The following FBN2 variants were observed in gnomAD, a reference collection of about 807,000 sequenced individuals.
The protein encoded by FBN2 is fibrillin 2.
Under a neutral mutation model 355.6 loss-of-function variants are expected in FBN2, and 105 were observed. That is an observed-to-expected ratio of 0.30 (90% CI 0.25 to 0.35). FBN2 has a LOEUF of 0.35. Ranked by LOEUF, FBN2 falls within the 10% of genes least tolerant of loss-of-function variation. FBN2 has a pLI of 1.00. For synonymous variants in FBN2, 1,350 were observed against 1,301.2 expected (o/e 1.04, Z -0.81); for missense variants, 3,280 against 3,758.7 (o/e 0.87, Z 3.33).
rs368060929 is a variant in FBN2 at position 128,287,703 on chromosome 5, C to T, written c.6758-273G>A. On this transcript the variant is annotated intron_variant, in intron 53 of 64. Transcript: ENST00000262464. ...AGGGAGTAATTTCACATTGATTTGG[C>T]TTCTATTTTTCTGAAATTACCCTCC... Among the ~76,000 whole-genome samples the T allele has an allele frequency of 2.6e-5, 4 of 152,232 alleles. No homozygotes were observed. In the East Asian group the frequency reaches 5.8e-4, roughly 22 times the overall value.
rs979294441 is a variant in FBN2 at position 128,311,910 on chromosome 5, A to G, written c.4923T>C (p.Pro1641=). The G allele has an allele frequency of 2.5e-6, 4 of 1,611,984 alleles. No individual in the cohort carries two copies. The African/African-American group carries it at 5.3e-5, about 22-fold the overall frequency. ...CTTCTAAAATGATTGTGATGGGGTT[A>G]GGTCTGAAGCCTTCACCTCCGGGAC... ...TLCPGGEGFR[P]NPITIILEDI... Residue 1641 remains proline, a synonymous_variant, in exon 38 of 65, where the codon CCT becomes CCC. Coordinates refer to ENST00000262464, the MANE Select transcript of FBN2 (RefSeq NM_001999.4).
chr5:128,290,879 G>C lies in FBN2; in HGVS notation c.6298C>G (p.Arg2100Gly). The change falls in exon 50 of 65, where the codon CGC becomes GGC. Residue 2100 changes from arginine to glycine, a missense_variant. Arg to Gly is a moderately radical substitution (Grantham distance 125, BLOSUM62 -2). Coordinates refer to ENST00000262464, the MANE Select transcript of FBN2 (RefSeq NM_001999.4). ...AAATTTGTGAAGCAGAAGCTCTGGC[G>C]AGTATCTAATCAAAAAAGCAAACAT... ...SDNGRRCFDT[R>G]QSFCFTNFEN... 1 of 1,613,700 alleles carries C rather than the reference G, an allele frequency of 6.2e-7. No individual in the cohort carries two copies. Among genetic ancestry groups the C allele is most frequent in the Non-Finnish European group, 8.5e-7 (1 of 1,179,708 alleles).
intron 12 of FBN2, 63 bp downstream of exon 12, chr5:128,378,708 C>G (rs1411411029): frequency 4.7e-5 from 75 of 1,586,488 alleles, no homozygotes; most frequent in Non-Finnish European, 6.1e-5. Flanking sequence ...TACTTTTAAC[C>G]TCAACAGCCT....
At chr5:128,331,122 T>C (rs757808674) in intron 32 of FBN2, among the ~76,000 whole-genome samples, 4 of 152,206 alleles carry the variant, frequency 2.6e-5, no homozygotes, top group Non-Finnish European at 4.4e-5. Flanking sequence ...CTTGACCTCA[T>C]GGAATCCCTT....
chr5:128,435,463 T>C (rs1271374690), intron 7 of FBN2, among the ~76,000 whole-genome samples: 4 of 152,262 alleles, frequency 2.6e-5, no homozygotes. Context: ...ATTTCTTTGC[T>C]ATCCTTGTCT....
Position 128,464,857 on chromosome 5 carries a change from G to C in FBN2, c.693C>G (p.Gly231=), listed in dbSNP as rs1561469983. The C allele has an allele frequency of 6.2e-7, 1 of 1,614,248 alleles. No homozygotes were observed. The part of the protein sequence containing the change: ...NNQMCQGQLT[G]IVCTKTLCCA... ...AGCACAGAGTCTTCGTGCAGACAAT[G>C]CCTGTCAGCTGCCCTTGGCACATCT... Residue 231 remains glycine (G), a synonymous_variant, in exon 6 of 65, where the codon GGC becomes GGG. Coordinates refer to ENST00000262464, the MANE Select transcript of FBN2 (RefSeq NM_001999.4).
intron 11 of FBN2, among the ~76,000 whole-genome samples, chr5:128,379,101 A>G (rs538163927): frequency 1.1e-4 from 16 of 152,270 alleles, no homozygotes; most frequent in African/African-American, 3.8e-4. Context: ...TTTAGAGAGT[A>G]CCATGGGAAT....
intron 64 of FBN2, among the ~76,000 whole-genome samples, chr5:128,260,410 G>C (rs974316148): frequency 6.6e-6 from 1 of 152,174 alleles, no homozygotes; most frequent in Admixed American, 6.5e-5. Context: ...AAAGCCAGTG[G>C]GGCAGGGCCC....
intron 7 of FBN2, among the ~76,000 whole-genome samples, chr5:128,443,016 A>AT (rs1377775344): frequency 6.6e-6 from 1 of 152,160 alleles, no homozygotes; most frequent in Non-Finnish European, 1.5e-5. Flanking sequence ...CTCAAACTTG[A>AT]TTTTTTGGCA....
chr5:128,299,399 A>G (rs1581198824), intron 48 of FBN2, among the ~76,000 whole-genome samples: 2 of 143,922 alleles, frequency 1.4e-5, no homozygotes, highest in African/African-American at 5.3e-5. Flanking sequence ...TACCTAAGCA[A>G]GCCTGGGCAA....
intron 62 of FBN2, among the ~76,000 whole-genome samples, chr5:128,266,028 T>C (rs537290840): frequency 3.3e-5 from 5 of 152,326 alleles, no homozygotes; most frequent in African/African-American, 1.2e-4. Context: ...ATAAAAAATG[T>C]TGGTGGCTTT....
chr5:128,351,860 C>T (rs1189932351), intron 20 of FBN2, among the ~76,000 whole-genome samples: 2 of 150,446 alleles, frequency 1.3e-5, no homozygotes, highest in Non-Finnish European at 3.0e-5. Flanking sequence ...GCCAGTGCGC[C>T]CCGCCCTTCT....
At chr5:128,417,674 T>C (rs1753239455) in intron 7 of FBN2, among the ~76,000 whole-genome samples, 2 of 152,192 alleles carry the variant, frequency 1.3e-5, no homozygotes, top group Non-Finnish European at 2.9e-5. Context: ...TATGTTGAAC[T>C]ATCCTTGTAT....
chr5:128,369,104 T>C (rs1751859837), intron 16 of FBN2, 78 bp downstream of exon 16: 1 of 1,376,076 alleles, frequency 7.3e-7, no homozygotes, highest in East Asian at 2.3e-5. Flanking sequence ...ACTTAAGAGC[T>C]GATGTTCTCT....
At chr5:128,275,442 A>G (rs1409341240) in intron 59 of FBN2, among the ~76,000 whole-genome samples, 2 of 144,722 alleles carry the variant, frequency 1.4e-5, no homozygotes, top group Admixed American at 1.4e-4. Context: ...GCTTGCTATT[A>G]TTTTTTTTTT....
At chr5:128,513,253 G>A (rs1756180517) in intron 5 of FBN2, among the ~76,000 whole-genome samples, 1 of 152,192 alleles carries the variant, frequency 6.6e-6, no homozygotes, top group Admixed American at 6.5e-5. Flanking sequence ...TACGGTATTT[G>A]TTACATAACT....
At chr5:128,310,394 ATATATATATTT>A (rs1368423036) in intron 39 of FBN2, among the ~76,000 whole-genome samples, 268 of 20,214 alleles carry the variant, frequency 0.013, 1 homozygote, top group Admixed American at 0.047. Flanking sequence ...ATATATATAT[ATATATATATTT>A]TTTTTTTTTT....
intron 37 of FBN2, 140 bp downstream of exon 37, chr5:128,312,494 G>T: frequency 1.2e-6 from 1 of 827,156 alleles, no homozygotes; most frequent in Non-Finnish European, 2.0e-6. Context: ...TGGTTTCAGA[G>T]TGATCACTGA....
intron 34 of FBN2, among the ~76,000 whole-genome samples, chr5:128,321,214 T>C (rs1750362518): frequency 1.3e-5 from 2 of 152,204 alleles, no homozygotes; most frequent in South Asian, 4.1e-4. Flanking sequence ...TTAAGTATAA[T>C]ATTTTTCACA....
Sources: gnomAD v4.1 joint callset for allele counts (sites outside exome capture counted in the v4.1 genomes callset) on GRCh38, gnomAD v4.1.1 for gene constraint, MANE v1.5 for transcripts, NCBI Gene and HGNC (gene_info 2026-07-23, HGNC 2026-07-21) for gene names.